Variants in TRPM3 observed in about 807,000 individuals in gnomAD.
TRPM3 encodes long transient receptor potential channel 3.
In TRPM3, 77 loss-of-function variants were observed where a neutral mutation model predicts 181.2. That is an observed-to-expected ratio of 0.42 (90% CI 0.35 to 0.51). TRPM3 has a LOEUF of 0.51. TRPM3 is among the 20% of genes least tolerant of loss of function. The pLI is 0.01. For missense variants in TRPM3, 1,759 were observed against 2,196.7 expected, an observed-to-expected ratio of 0.80 and a Z score of 3.98; for synonymous variants, 745 against 796.4, an observed-to-expected ratio of 0.94 and a Z score of 1.09.
intron 1 of TRPM3, among the ~76,000 whole-genome samples, chr9:71,083,046 C>G (rs926568842): frequency 5.3e-5 from 8 of 151,774 alleles, no homozygotes; most frequent in African/African-American, 1.9e-4. Context: ...CAGGGAATAG[C>G]CTTCATTTAA....
chr9:71,206,886 A>G (rs1041759485), intron 1 of TRPM3, among the ~76,000 whole-genome samples: 1 of 151,970 alleles, frequency 6.6e-6, no homozygotes, highest in Non-Finnish European at 1.5e-5. Context: ...TTGCAGAAAA[A>G]AAAAATGACT....
At chr9:71,085,442 CAAAT>C (rs1015844633) in intron 1 of TRPM3, among the ~76,000 whole-genome samples, 58 of 151,658 alleles carry the variant, frequency 3.8e-4, no homozygotes, top group African/African-American at 1.3e-3. Flanking sequence ...AAGCAAAAAA[CAAAT>C]AACCCCATAA....
chr9:71,009,783 C>T (rs1336088440), intron 1 of TRPM3, among the ~76,000 whole-genome samples: 1 of 152,084 alleles, frequency 6.6e-6, no homozygotes, highest in South Asian at 2.1e-4. Context: ...CAATCTTGAA[C>T]ATAATTAACA....
intron 24 of TRPM3, among the ~76,000 whole-genome samples, chr9:70,551,416 G>GT (rs1403791274): frequency 2.0e-5 from 3 of 152,120 alleles, no homozygotes; most frequent in Non-Finnish European, 4.4e-5. Context: ...CAATGCTTTC[G>GT]TTGCTACCAT....
intron 22 of TRPM3, among the ~76,000 whole-genome samples, chr9:70,563,363 G>A (rs1189243467): frequency 6.6e-6 from 1 of 152,146 alleles, no homozygotes; most frequent in African/African-American, 2.4e-5. Context: ...GGTTTTTCCT[G>A]TATCATTTTT....
intron 7 of TRPM3, chr9:70,774,747 T>G (rs1182241124): frequency 6.6e-6 from 1 of 152,148 alleles, no homozygotes; most frequent in Non-Finnish European, 1.5e-5. Flanking sequence ...CTTTTAGAGG[T>G]TTATGCTCAT....
chr9:70,940,759 A>G (rs1255000256), intron 1 of TRPM3, among the ~76,000 whole-genome samples: 2 of 152,156 alleles, frequency 1.3e-5, no homozygotes, highest in African/African-American at 4.8e-5. Context: ...ATTTCGGGAC[A>G]GGGATGGAGA....
intron 1 of TRPM3, among the ~76,000 whole-genome samples, chr9:70,966,722 C>G (rs1396324133): frequency 6.6e-6 from 1 of 151,876 alleles, no homozygotes; most frequent in Non-Finnish European, 1.5e-5. Context: ...AGGGGAACAC[C>G]ACACATTGGG....
intron 1 of TRPM3, among the ~76,000 whole-genome samples, chr9:71,133,989 GTGTGTGTGTGT>G (rs2074557706): frequency 7.1e-6 from 1 of 140,696 alleles, no homozygotes; most frequent in Non-Finnish European, 1.5e-5. Flanking sequence ...GTGTGTGTGT[GTGTGTGTGTGT>G]GTGTGTGTGT....
rs1471918609 is a variant in TRPM3 at position 70,864,461 on chromosome 9, G to A, written c.228C>T (p.His76=). 10 of 1,479,330 alleles carry A rather than the reference G, an allele frequency of 6.8e-6. No homozygotes were observed. Among genetic ancestry groups the A allele is most frequent in the South Asian group, 4.6e-5 (3 of 64,924 alleles). The allele number at this position is 1,479,330 out of a possible 1,614,324, so 91.6% of individuals were successfully genotyped here. Residue 76 remains histidine, a synonymous_variant, in exon 2 of 26, where the codon CAC becomes CAT. Coordinates refer to ENST00000677713, the MANE Select transcript of TRPM3 (RefSeq NM_001366145.2). ...GGGGGTCTTTGGTGCTGGGTATGAT[G>A]TGGACACATTCTCTTTTATAAAATG... ...ERAFYKRECV[H]IIPSTKDPHR...
intron 1 of TRPM3, among the ~76,000 whole-genome samples, chr9:70,949,783 C>T (rs2096977570): frequency 6.6e-6 from 1 of 152,094 alleles, no homozygotes; most frequent in Non-Finnish European, 1.5e-5. Flanking sequence ...ATCAGATACA[C>T]ATTTATATGA....
At chr9:70,796,388 T>G (rs2087033408) in intron 6 of TRPM3, among the ~76,000 whole-genome samples, 1 of 152,204 alleles carries the variant, frequency 6.6e-6, no homozygotes, top group African/African-American at 2.4e-5. Flanking sequence ...ATAAAAATAA[T>G]TTTTGTCTTT....
At chr9:70,841,005 AAT>A (rs1733915624) in intron 5 of TRPM3, among the ~76,000 whole-genome samples, 1 of 152,218 alleles carries the variant, frequency 6.6e-6, no homozygotes, top group Admixed American at 6.5e-5. Context: ...ATGACTTTTG[AAT>A]CAACACATTT....
At chr9:71,111,452 T>A (rs1046722746) in intron 1 of TRPM3, among the ~76,000 whole-genome samples, 3 of 152,172 alleles carry the variant, frequency 2.0e-5, no homozygotes, top group Admixed American at 2.0e-4. Context: ...AGAAATTTTG[T>A]TTTTCCCAAT....
At chr9:71,196,663 CCTGTTAAA>C (rs999779882) in intron 1 of TRPM3, among the ~76,000 whole-genome samples, 17 of 152,058 alleles carry the variant, frequency 1.1e-4, no homozygotes, top group South Asian at 2.1e-4. Context: ...CAGGTAAATT[CCTGTTAAA>C]CTAAATTTAG....
At chr9:71,319,670 C>T (rs1454463338) in intron 1 of TRPM3, among the ~76,000 whole-genome samples, 1 of 152,100 alleles carries the variant, frequency 6.6e-6, no homozygotes, top group Non-Finnish European at 1.5e-5. Flanking sequence ...CAAGCTGACA[C>T]ATAAAATTAA....
chr9:71,233,761 C>A (rs200593619), intron 1 of TRPM3, among the ~76,000 whole-genome samples: 1 of 152,192 alleles, frequency 6.6e-6, no homozygotes, highest in East Asian at 1.9e-4. Context: ...TTTCAAAGCC[C>A]CAATAGCCAA....
chr9:70,672,666 C>T (rs1176987471), intron 9 of TRPM3, among the ~76,000 whole-genome samples: 1 of 152,114 alleles, frequency 6.6e-6, no homozygotes, highest in Non-Finnish European at 1.5e-5. Flanking sequence ...TTAGATAAAA[C>T]TGTGGGCATC....
At chr9:70,882,862 AT>A (rs1377158619) in intron 1 of TRPM3, among the ~76,000 whole-genome samples, 2 of 152,162 alleles carry the variant, frequency 1.3e-5, no homozygotes, top group African/African-American at 4.8e-5. Context: ...CATGGCAACT[AT>A]TCTCAATGAC....
Sources: allele counts gnomAD v4.1 joint callset (sites outside exome capture counted in the v4.1 genomes callset), GRCh38; gene constraint gnomAD v4.1.1; transcripts MANE v1.5; gene names NCBI Gene and HGNC (gene_info 2026-07-23, HGNC 2026-07-21).